RGS9: variants seen among roughly 807,000 people sequenced by gnomAD.
RGS9 encodes the protein regulator of G-protein signalling 9.
A neutral mutation model predicts 102.0 loss-of-function variants in RGS9; 78 were observed. That is an observed-to-expected ratio of 0.76 (90% CI 0.64 to 0.92). The LOEUF is 0.92. Ranked by LOEUF, RGS9 falls within the 40% of genes least tolerant of loss-of-function variation. The pLI is 0.00. For missense variants in RGS9, 833 were observed against 866.1 expected, an observed-to-expected ratio of 0.96 and a Z score of 0.48; for synonymous variants, 353 against 318.6, an observed-to-expected ratio of 1.11 and a Z score of -1.15.
intron 9 of RGS9, among the ~76,000 whole-genome samples, chr17:65,178,589 GA>G: frequency 6.6e-6 from 1 of 152,050 alleles, no homozygotes; most frequent in African/African-American, 2.4e-5. Context: ...CTGCAGCCTT[GA>G]CCTCTTGGGC....
chr17:65,195,263 G>A (rs1004916141), intron 12 of RGS9, among the ~76,000 whole-genome samples: 14 of 152,270 alleles, frequency 9.2e-5, no homozygotes, highest in East Asian at 1.9e-4. Context: ...ATGGATGGCC[G>A]CTGAATTTTA....
chr17:65,222,370 A>T (rs991150001), intron 17 of RGS9, among the ~76,000 whole-genome samples: 4 of 152,312 alleles, frequency 2.6e-5, no homozygotes, highest in East Asian at 3.9e-4. Context: ...GCTATGCCTC[A>T]TCACATAGCC....
intron 1 of RGS9, among the ~76,000 whole-genome samples, chr17:65,142,564 CCCTT>C (rs1910196709): frequency 6.7e-6 from 1 of 150,040 alleles, no homozygotes; most frequent in Middle Eastern, 3.2e-3. Flanking sequence ...CTGTTTTTCT[CCCTT>C]CCTTTCTTTT....
At chr17:65,176,884 G>GTCCA (rs113366621) in intron 8 of RGS9, among the ~76,000 whole-genome samples, 7,277 of 147,440 alleles carry the variant, frequency 0.049, 577 homozygotes, top group African/African-American at 0.17. Flanking sequence ...CCATTCATCT[G>GTCCA]TCCATCCATC....
chr17:65,207,014 T>C (rs1448956792), intron 15 of RGS9, among the ~76,000 whole-genome samples: 1 of 152,216 alleles, frequency 6.6e-6, no homozygotes, highest in East Asian at 1.9e-4. Flanking sequence ...TTGTCCCATA[T>C]TGGGTATGAC....
rs771022203 is a variant in RGS9 at position 65,227,430 on chromosome 17, G to A, written c.*23G>A. 1.1e-5 allele frequency: 17 copies of A among 1,605,142 alleles called. No homozygotes were observed. The African/African-American group carries it at 2.1e-4, about 20-fold the overall frequency. ...TAAGGAAAGAGGCAGGCTGAGCTGG[G>A]GGCTCTGGACCAGGAAGATGCTCTG... is the stretch of plus-strand genomic sequence containing the variant. On this transcript the variant is annotated 3_prime_UTR_variant, in exon 19 of 19. Coordinates refer to ENST00000262406, the MANE Select transcript of RGS9 (RefSeq NM_003835.4).
intron 14 of RGS9, among the ~76,000 whole-genome samples, chr17:65,203,598 A>C (rs997023341): frequency 6.6e-6 from 1 of 152,224 alleles, no homozygotes; most frequent in African/African-American, 2.4e-5. Context: ...GCATCCCGAC[A>C]TCCCAGGTAG....
chr17:65,147,202 C>A (rs1910397453), intron 1 of RGS9, among the ~76,000 whole-genome samples: 1 of 152,160 alleles, frequency 6.6e-6, no homozygotes, highest in Admixed American at 6.5e-5. Flanking sequence ...ATTTTCTGTT[C>A]CAAAACAATT....
At chr17:65,164,324 C>A (rs1911094255) in intron 7 of RGS9, among the ~76,000 whole-genome samples, 1 of 152,188 alleles carries the variant, frequency 6.6e-6, no homozygotes, top group Admixed American at 6.5e-5. Context: ...TGTATCAGAG[C>A]AGCCCTGTCA....
At chr17:65,214,102 T>C (rs1474564598) in intron 17 of RGS9, among the ~76,000 whole-genome samples, 1 of 152,116 alleles carries the variant, frequency 6.6e-6, no homozygotes, top group Non-Finnish European at 1.5e-5. Flanking sequence ...GCTGGGACTA[T>C]AGGTGTGCGC....
intron 8 of RGS9, among the ~76,000 whole-genome samples, chr17:65,172,285 C>A (rs1170410032): frequency 6.6e-6 from 1 of 152,128 alleles, no homozygotes; most frequent in South Asian, 2.1e-4. Flanking sequence ...CTCACTGCAA[C>A]CTCTGCCTCT....
At chr17:65,218,506 T>C (rs1913593214) in intron 17 of RGS9, among the ~76,000 whole-genome samples, 1 of 152,218 alleles carries the variant, frequency 6.6e-6, no homozygotes, top group Non-Finnish European at 1.5e-5. Flanking sequence ...GAATGTGGAC[T>C]TTGGGGTTAG....
At chr17:65,213,358 A>G (rs1913373723) in intron 17 of RGS9, among the ~76,000 whole-genome samples, 1 of 152,138 alleles carries the variant, frequency 6.6e-6, no homozygotes, top group South Asian at 2.1e-4. Flanking sequence ...CTGCCCTCCA[A>G]CTTCTGGGGG....
chr17:65,178,161 A>G (rs1911719303), intron 9 of RGS9, among the ~76,000 whole-genome samples: 2 of 152,198 alleles, frequency 1.3e-5, no homozygotes, highest in South Asian at 4.1e-4. Flanking sequence ...TTCTGTACAC[A>G]GTTTCAGCCA....
intron 9 of RGS9, among the ~76,000 whole-genome samples, chr17:65,180,573 C>A (rs1022814874): frequency 1.8e-4 from 27 of 152,202 alleles, no homozygotes; most frequent in Admixed American, 7.9e-4. Flanking sequence ...TGGTCTTGAA[C>A]TCCTGACCTC....
chr17:65,177,916 A>C, intron 9 of RGS9, 113 bp downstream of exon 9: 5 of 859,168 alleles, frequency 5.8e-6, no homozygotes, highest in Non-Finnish European at 7.9e-6. Context: ...CTTTGAGACT[A>C]TCAAAGAGAG....
chr17:65,208,513 C>G (rs986295467), intron 16 of RGS9, among the ~76,000 whole-genome samples: 1 of 152,130 alleles, frequency 6.6e-6, no homozygotes, highest in Non-Finnish European at 1.5e-5. Context: ...CTTGTTCATT[C>G]TCACTTTTCT....
At chr17:65,218,499 T>A (rs1913593029) in intron 17 of RGS9, among the ~76,000 whole-genome samples, 1 of 152,174 alleles carries the variant, frequency 6.6e-6, no homozygotes, top group Non-Finnish European at 1.5e-5. Flanking sequence ...GGGGAAGGAA[T>A]GTGGACTTTG....
At chr17:65,188,399 G>T (rs1912219187) in intron 9 of RGS9, among the ~76,000 whole-genome samples, 1 of 152,176 alleles carries the variant, frequency 6.6e-6, no homozygotes, top group Admixed American at 6.5e-5. Flanking sequence ...GCTCAACTCG[G>T]GGACTCAGCT....
Sources: allele counts gnomAD v4.1 joint callset (sites outside exome capture counted in the v4.1 genomes callset), GRCh38; gene constraint gnomAD v4.1.1; transcripts MANE v1.5; gene names NCBI Gene and HGNC (gene_info 2026-07-23, HGNC 2026-07-21).